PHACTR3: variants seen among roughly 807,000 people sequenced by gnomAD.
PHACTR3 encodes protein phosphatase 1, regulatory subunit 123.
A neutral mutation model predicts 66.8 loss-of-function variants in PHACTR3; 16 were observed. The ratio of observed to expected loss-of-function variants is 0.24; its 90% confidence interval spans 0.16 to 0.36. PHACTR3 has a LOEUF of 0.36. Ranked by LOEUF, PHACTR3 falls within the 10% of genes least tolerant of loss-of-function variation. The probability of loss-of-function intolerance (pLI) is 1.00; values close to 1 mark genes in which losing one functional copy is unlikely to be tolerated. For missense variants in PHACTR3, 647 were observed against 719.9 expected, an observed-to-expected ratio of 0.90 and a Z score of 1.16; for synonymous variants, 323 against 292.1, an observed-to-expected ratio of 1.11 and a Z score of -1.08.
At chr20:59,753,062 T>C (rs1003761387) in intron 3 of PHACTR3, among the ~76,000 whole-genome samples, 2 of 152,150 alleles carry the variant, frequency 1.3e-5, no homozygotes, top group Non-Finnish European at 2.9e-5. Flanking sequence ...TGGGCTGTTA[T>C]AGCCAAGGGT....
At chr20:59,754,544 C>A (rs1182476) in intron 3 of PHACTR3, among the ~76,000 whole-genome samples, 111,030 of 152,204 alleles carry the variant, frequency 0.73, 40,673 homozygotes, top group South Asian at 0.82. Context: ...AGCCGGTGAT[C>A]AGTAAACACC....
chr20:59,621,724 G>C (rs1354726397), intron 1 of PHACTR3, among the ~76,000 whole-genome samples: 1 of 152,190 alleles, frequency 6.6e-6, no homozygotes, highest in Non-Finnish European at 1.5e-5. Flanking sequence ...CTGGCCCCTG[G>C]GGAGGTGTGG....
chr20:59,712,437 T>C (rs2037942829), intron 1 of PHACTR3, among the ~76,000 whole-genome samples: 1 of 152,206 alleles, frequency 6.6e-6, no homozygotes, highest in South Asian at 2.1e-4. Flanking sequence ...GAGATGCATT[T>C]CCAGGTCTGT....
At chr20:59,645,149 A>T (rs2035239303) in intron 1 of PHACTR3, among the ~76,000 whole-genome samples, 1 of 151,738 alleles carries the variant, frequency 6.6e-6, no homozygotes, top group East Asian at 1.9e-4. Flanking sequence ...TAATTCACTC[A>T]GGATAGTGGC....
chr20:59,667,980 C>G (rs530385140), intron 1 of PHACTR3, among the ~76,000 whole-genome samples: 64 of 152,326 alleles, frequency 4.2e-4, no homozygotes, highest in African/African-American at 1.4e-3. Flanking sequence ...ACCACAGTTG[C>G]TTTTGTTAGT....
At chr20:59,717,642 C>G (rs1171426010) in intron 1 of PHACTR3, among the ~76,000 whole-genome samples, 2 of 151,996 alleles carry the variant, frequency 1.3e-5, no homozygotes, top group African/African-American at 4.8e-5. Flanking sequence ...CCCCCCAGCC[C>G]GTGTTCTTCC....
chr20:59,604,525 C>G (rs2033587304), upstream of PHACTR3: 1 of 687,168 alleles, frequency 1.5e-6, no homozygotes, highest in Non-Finnish European at 1.8e-6. Flanking sequence ...AACAGATGCT[C>G]CAAGAACAGC....
At chr20:59,678,965 T>TGG (rs576468250) in intron 1 of PHACTR3, among the ~76,000 whole-genome samples, 1 of 74,502 alleles carries the variant, frequency 1.3e-5, no homozygotes, top group African/African-American at 4.9e-5. Flanking sequence ...CTGGGTGGGG[T>TGG]GGGGGGGCAA....
Position 59,598,450 on chromosome 20 carries a change from C to A in PHACTR3, c.109+20833C>A, listed in dbSNP as rs372045769. On this transcript the variant is annotated intron_variant, in intron 1 of 12. Coordinates refer to the PHACTR3 transcript ENST00000359926. ...TTGGGACCTGATCTTGTGCCTGGGT[C>A]TGTGGCTCCTGCCCTAGACAGCTTG... Among the ~76,000 whole-genome samples the A allele has an allele frequency of 7.9e-5, 12 of 152,286 alleles. No homozygotes were observed. The East Asian group carries it at 2.1e-3, about 27-fold the overall frequency.
At chr20:59,754,715 C>T (rs1436436595) in intron 3 of PHACTR3, among the ~76,000 whole-genome samples, 1 of 152,228 alleles carries the variant, frequency 6.6e-6, no homozygotes, top group African/African-American at 2.4e-5. Context: ...TGACTCCAGC[C>T]AGCTGCTGGG....
In PHACTR3 at chr20:59,842,828, C is replaced by T. The variant is rs377284530; in HGVS notation, c.1587+1293C>T. Among the ~76,000 whole-genome samples, 6 of 152,090 alleles carry T rather than the reference C, an allele frequency of 3.9e-5. No individual in the cohort carries two copies. The East Asian group carries it at 9.6e-4, about 24-fold the overall frequency. On this transcript the variant is annotated intron_variant, in intron 11 of 12. Transcript: ENST00000371015. ...AGTTTGGGGAAGGGTTGTCTTCCCA[C>T]TACAGTTCAGCAAATTAATGAATGG...
chr20:59,590,508 A>G (rs1302428262), intron 1 of PHACTR3, among the ~76,000 whole-genome samples: 2 of 152,062 alleles, frequency 1.3e-5, no homozygotes, highest in African/African-American at 4.8e-5. Flanking sequence ...TAGACTTTCA[A>G]CTTTGCCTGT....
intron 1 of PHACTR3, among the ~76,000 whole-genome samples, chr20:59,718,016 G>A (rs1487822627): frequency 6.6e-6 from 1 of 152,230 alleles, no homozygotes; most frequent in Non-Finnish European, 1.5e-5. Context: ...GCTTGGGTTT[G>A]TAGTTTCCTC....
chr20:59,647,288 C>T (rs1442762368), intron 1 of PHACTR3, among the ~76,000 whole-genome samples: 4 of 152,202 alleles, frequency 2.6e-5, no homozygotes, highest in Admixed American at 1.3e-4. Context: ...ACCATGAAAA[C>T]AGTAGGGGGG....
At chr20:59,732,334 A>G (rs1032465734) in intron 1 of PHACTR3, among the ~76,000 whole-genome samples, 7 of 152,194 alleles carry the variant, frequency 4.6e-5, no homozygotes, top group African/African-American at 1.2e-4. Flanking sequence ...CTGAGCCTCT[A>G]CTTTTTAAAT....
At chr20:59,689,618 A>C (rs934890255) in intron 1 of PHACTR3, among the ~76,000 whole-genome samples, 5 of 151,766 alleles carry the variant, frequency 3.3e-5, no homozygotes, top group Non-Finnish European at 7.4e-5. Flanking sequence ...ACAATATTGA[A>C]CCCCCTGCAA....
chr20:59,741,848 T>G (rs2039173319), intron 1 of PHACTR3, among the ~76,000 whole-genome samples: 1 of 151,942 alleles, frequency 6.6e-6, no homozygotes, highest in South Asian at 2.1e-4. Flanking sequence ...CTGCAACCTT[T>G]GCCTCCCGGG....
At chr20:59,702,167 T>C (rs2037530632) in intron 1 of PHACTR3, among the ~76,000 whole-genome samples, 1 of 152,176 alleles carries the variant, frequency 6.6e-6, no homozygotes, top group African/African-American at 2.4e-5. Context: ...TTCAGTATTT[T>C]CCAAATGGTT....
At chr20:59,716,193 T>C (rs2038083813) in intron 1 of PHACTR3, among the ~76,000 whole-genome samples, 1 of 150,650 alleles carries the variant, frequency 6.6e-6, no homozygotes, top group Admixed American at 6.7e-5. Context: ...TGCTTTGCTC[T>C]TCCCTTCACC....
Sources: allele counts gnomAD v4.1 joint callset (sites outside exome capture counted in the v4.1 genomes callset), GRCh38; gene constraint gnomAD v4.1.1; transcripts MANE v1.5; gene names NCBI Gene and HGNC (gene_info 2026-07-23, HGNC 2026-07-21).